Variants in CADM2 observed in about 807,000 individuals in gnomAD.
CADM2 encodes the protein immunoglobulin superfamily member 4D.
Under a neutral mutation model 49.8 loss-of-function variants are expected in CADM2, and 12 were observed. That is an observed-to-expected ratio of 0.24 (90% CI 0.15 to 0.39). The LOEUF is 0.39. Among genes scored for constraint, CADM2 ranks in the 10% least tolerant of loss-of-function variants. The probability of loss-of-function intolerance (pLI) is 1.00; values close to 1 mark genes in which losing one functional copy is unlikely to be tolerated. For missense variants in CADM2, 378 were observed against 492.3 expected (o/e 0.77, Z 2.20); for synonymous variants, 214 against 175.4 (o/e 1.22, Z -1.74).
At position 85,912,519 on chromosome 3, in the gene CADM2, G is replaced by A; in HGVS notation, c.676G>A (p.Ala226Thr). The change falls in exon 6 of 10, where the codon GCC (alanine) becomes ACC (threonine). Residue 226 changes from alanine to threonine, a missense_variant. Transcript: ENST00000383699. ...HESLNATPQV[A>T]MQVLEIHYTP... is the part of the protein sequence containing the mutation. Reference sequence around the variant, plus strand: ...ATCCCTCAATGCCACCCCTCAGGTAGCCATGCAGGTGCTAGAAATACACTG... The same window carrying A: ...ATCCCTCAATGCCACCCCTCAGGTAACCATGCAGGTGCTAGAAATACACTG... 1 of 1,613,720 alleles carries A rather than the reference G, an allele frequency of 6.2e-7. No individual in the cohort carries two copies. The highest frequency in any genetic ancestry group is 8.5e-7 in the Non-Finnish European group (1 of 1,179,814).
chr3:85,143,215 G>A (rs1310338123), intron 1 of CADM2, among the ~76,000 whole-genome samples: 2 of 152,154 alleles, frequency 1.3e-5, no homozygotes, highest in Non-Finnish European at 2.9e-5. Context: ...GAGTGTGGTG[G>A]CTCATGCCTG....
intron 7 of CADM2, among the ~76,000 whole-genome samples, chr3:85,947,517 A>G (rs1300909109): frequency 6.6e-6 from 1 of 151,574 alleles, no homozygotes; most frequent in Non-Finnish European, 1.5e-5. Context: ...TCAAAGATAT[A>G]ATATTGGAAA....
chr3:85,712,397 C>T (rs1352095349), intron 1 of CADM2, among the ~76,000 whole-genome samples: 7 of 152,076 alleles, frequency 4.6e-5, no homozygotes, highest in Non-Finnish European at 2.9e-5. Flanking sequence ...CTCTGCCATC[C>T]CCTCTACCCT....
intron 3 of CADM2, among the ~76,000 whole-genome samples, chr3:85,805,274 A>G (rs1279112671): frequency 6.6e-6 from 1 of 152,076 alleles, no homozygotes; most frequent in East Asian, 1.9e-4. Flanking sequence ...TTCCGTTCCC[A>G]GATGCTGTAA....
At position 85,557,146 on chromosome 3, in the gene CADM2, G is replaced by T. The variant is rs143917267; in HGVS notation, c.62-169376G>T. ...AATCAGATTTATCTTAATACATCTA[G>T]ATTTCCTATAAGAATGAGCTGAAGT... On this transcript the variant is annotated intron_variant, in intron 1 of 9. Transcript: ENST00000383699. 2.6e-5 allele frequency among the ~76,000 whole-genome samples: 4 copies of T among 152,066 alleles called. No individual in the cohort carries two copies. The East Asian group carries it at 7.7e-4, about 29-fold the overall frequency.
At chr3:85,093,072 C>A (rs530071373) in intron 1 of CADM2, among the ~76,000 whole-genome samples, 1 of 152,242 alleles carries the variant, frequency 6.6e-6, no homozygotes, top group Non-Finnish European at 1.5e-5. Context: ...TTAAAATTTG[C>A]TGCATTTACA....
At chr3:85,078,984 T>A (rs920944198) in intron 1 of CADM2, among the ~76,000 whole-genome samples, 4 of 151,822 alleles carry the variant, frequency 2.6e-5, no homozygotes. Flanking sequence ...TTATAAGTGA[T>A]CTCATTTTAC....
At chr3:85,975,392 AT>A (rs10717257) in intron 8 of CADM2, among the ~76,000 whole-genome samples, 33,028 of 151,094 alleles carry the variant, frequency 0.22, 4,091 homozygotes, top group African/African-American at 0.34. Flanking sequence ...CAAATTTCTT[AT>A]TAATGAGAGT....
chr3:85,043,354 C>T (rs1207447817), intron 1 of CADM2, among the ~76,000 whole-genome samples: 1 of 151,698 alleles, frequency 6.6e-6, no homozygotes, highest in African/African-American at 2.4e-5. Flanking sequence ...TCCCTAACTC[C>T]TTCAGATGTA....
intron 1 of CADM2, among the ~76,000 whole-genome samples, chr3:85,107,115 G>T (rs993655293): frequency 6.6e-6 from 1 of 152,044 alleles, no homozygotes; most frequent in African/African-American, 2.4e-5. Context: ...TTTTACAAAG[G>T]TATGGCATCA....
intron 8 of CADM2, chr3:85,992,977 C>T (rs1166840292): frequency 3.3e-5 from 5 of 152,316 alleles, no homozygotes; most frequent in African/African-American, 1.2e-4. Flanking sequence ...AGTCAATCCT[C>T]TGATACCCTT....
chr3:86,072,014 A>AT lies in CADM2; in HGVS notation c.*5232dup, dbSNP rs199925741. Reference sequence around the variant, plus strand: ...CGAGACAAATTTAAGTATTTTAAAAATCATCCTTATTAATAAATAATCCTC... The same window carrying AT: ...CGAGACAAATTTAAGTATTTTAAAAATTCATCCTTATTAATAAATAATCCTC... On this transcript the variant is annotated 3_prime_UTR_variant, in exon 10 of 10. Coordinates refer to ENST00000383699, the MANE Select transcript of CADM2 (RefSeq NM_001167675.2). 1 of 70,190 alleles carries AT rather than the reference A, an allele frequency of 1.4e-5. No homozygotes were observed. The highest frequency in any genetic ancestry group is 1.5e-4 in the Admixed American group (1 of 6,870). The allele number at this position is 70,190 out of a possible 1,614,324, so 4.3% of individuals were successfully genotyped here.
intron 1 of CADM2, among the ~76,000 whole-genome samples, chr3:85,122,234 T>C (rs2107593696): frequency 6.6e-6 from 1 of 152,326 alleles, no homozygotes; most frequent in Middle Eastern, 3.4e-3. Flanking sequence ...TCAGTTTTAA[T>C]TGATTCACCA....
chr3:85,913,170 TACAC>T (rs934287604), intron 6 of CADM2, among the ~76,000 whole-genome samples: 2 of 152,146 alleles, frequency 1.3e-5, no homozygotes, highest in Non-Finnish European at 2.9e-5. Flanking sequence ...AGTCACAAGA[TACAC>T]ACAAGGATTC....
rs557357979 is a variant in CADM2 at position 85,850,449 on chromosome 3, T to C, written c.239-32842T>C. Among the ~76,000 whole-genome samples the C allele has an allele frequency of 6.8e-3, 1,022 of 150,184 alleles. 10 individuals carry two copies. Among genetic ancestry groups the C allele is most frequent in the African/African-American group, 0.024 (971 of 41,088 alleles). On this transcript the variant is annotated intron_variant, in intron 3 of 9. Coordinates refer to ENST00000383699, the MANE Select transcript of CADM2 (RefSeq NM_001167675.2). ...ACACCATTCTCCTGCCTCAGCCTCCTGAGTAGGTGGGACTACAGGCGCCCG... is the reference window on the plus strand; with the variant it reads ...ACACCATTCTCCTGCCTCAGCCTCCCGAGTAGGTGGGACTACAGGCGCCCG...
At chr3:85,160,806 T>C (rs565455068) in intron 1 of CADM2, among the ~76,000 whole-genome samples, 21 of 152,248 alleles carry the variant, frequency 1.4e-4, no homozygotes, top group African/African-American at 5.1e-4. Context: ...AACAAAGGAA[T>C]TTAATAATTG....
At chr3:85,711,819 G>A (rs2067128062) in intron 1 of CADM2, among the ~76,000 whole-genome samples, 1 of 152,050 alleles carries the variant, frequency 6.6e-6, no homozygotes, top group Admixed American at 6.6e-5. Context: ...TATATGAACT[G>A]TTACATATTA....
intron 8 of CADM2, among the ~76,000 whole-genome samples, chr3:85,968,648 G>A (rs924969664): frequency 1.3e-5 from 2 of 151,602 alleles, no homozygotes; most frequent in Non-Finnish European, 3.0e-5. Context: ...ATAAAATAAG[G>A]TAAAGAGAAG....
chr3:85,947,343 C>T (rs974025996), intron 7 of CADM2, among the ~76,000 whole-genome samples: 1 of 151,250 alleles, frequency 6.6e-6, no homozygotes, highest in African/African-American at 2.4e-5. Context: ...ACCAGCAGTA[C>T]TTCGATAATA....
Sources: allele counts gnomAD v4.1 joint callset (sites outside exome capture counted in the v4.1 genomes callset), GRCh38; gene constraint gnomAD v4.1.1; transcripts MANE v1.5; gene names NCBI Gene and HGNC (gene_info 2026-07-23, HGNC 2026-07-21).